The following TAFA5 variants were observed in gnomAD, a reference collection of about 807,000 sequenced individuals.
TAFA5 encodes the protein TAFA chemokine like family member 5, also known as chemokine-like protein TAFA-5.
Under a neutral mutation model 15.3 loss-of-function variants are expected in TAFA5, and 6 were observed. The ratio of observed to expected loss-of-function variants is 0.39; its 90% CI spans 0.21 to 0.77. The LOEUF (loss-of-function observed/expected upper bound fraction) is 0.77, where lower values mean the gene tolerates loss of function less well. Among genes scored for constraint, TAFA5 ranks in the 30% least tolerant of loss-of-function variants. TAFA5 has a pLI of 0.41. For missense variants in TAFA5, 161 were observed against 193.1 expected, an observed-to-expected ratio of 0.83 and a Z score of 0.98; for synonymous variants, 103 against 80.7, an observed-to-expected ratio of 1.28 and a Z score of -1.48.
intron 2 of TAFA5, among the ~76,000 whole-genome samples, chr22:48,659,249 C>G (rs1927351459): frequency 6.6e-6 from 1 of 152,220 alleles, no homozygotes; most frequent in East Asian, 1.9e-4. Flanking sequence ...GGGCTTTGAG[C>G]AAGTGGAGAA....
At chr22:48,548,641 G>C (rs1359077307) in intron 1 of TAFA5, among the ~76,000 whole-genome samples, 1 of 152,236 alleles carries the variant, frequency 6.6e-6, no homozygotes, top group Non-Finnish European at 1.5e-5. Context: ...GTTCAGGGCT[G>C]CATTTCACAG....
In TAFA5 at chr22:48,540,529, C is replaced by T. The variant is rs552138090; in HGVS notation, c.112+50825C>T. On this transcript the variant is annotated intron_variant, in intron 1 of 3. Transcript: ENST00000402357. ...TTGACTTCTAGGGTGTCCTCCGCCC[C>T]GGCAAAAAGGACCCAGTCCCACCTC... Among the ~76,000 whole-genome samples, 9 of 151,888 alleles carry T rather than the reference C, an allele frequency of 5.9e-5. No individual in the cohort carries two copies. In the South Asian group the frequency reaches 6.2e-4, roughly 11 times the overall value.
chr22:48,522,808 G>A (rs1382076777), intron 1 of TAFA5, among the ~76,000 whole-genome samples: 1 of 152,236 alleles, frequency 6.6e-6, no homozygotes, highest in African/African-American at 2.4e-5. Context: ...ATGCCCCCAG[G>A]CTGGCCTGTC....
intron 2 of TAFA5, among the ~76,000 whole-genome samples, chr22:48,658,288 G>T (rs1281352136): frequency 1.3e-5 from 2 of 152,198 alleles, no homozygotes; most frequent in African/African-American, 4.8e-5. Context: ...TCCTATTATG[G>T]CCCATCTGGG....
At chr22:48,592,996 T>A (rs1200154065) in intron 1 of TAFA5, among the ~76,000 whole-genome samples, 1 of 151,860 alleles carries the variant, frequency 6.6e-6, no homozygotes, top group African/African-American at 2.4e-5. Flanking sequence ...CAGGGCCTCT[T>A]CAGAGCTAGC....
intron 2 of TAFA5, among the ~76,000 whole-genome samples, chr22:48,701,607 C>T (rs894900096): frequency 1.3e-5 from 2 of 152,248 alleles, no homozygotes; most frequent in Non-Finnish European, 2.9e-5. Context: ...ATTCAAGGGT[C>T]GCCCAACCGT....
At chr22:48,617,216 A>G (rs1353964824) in intron 1 of TAFA5, among the ~76,000 whole-genome samples, 1 of 149,308 alleles carries the variant, frequency 6.7e-6, no homozygotes, top group Non-Finnish European at 1.5e-5. Context: ...TCTCACAGGC[A>G]GTCACAGGCG....
intron 2 of TAFA5, among the ~76,000 whole-genome samples, chr22:48,678,915 G>A (rs112894357): frequency 0.018 from 2,081 of 115,712 alleles, 20 homozygotes; most frequent in African/African-American, 0.061. Context: ...CGGCTCCCCG[G>A]CTCCCCAGCT....
chr22:48,508,175 G>A (rs944954332), intron 1 of TAFA5, among the ~76,000 whole-genome samples: 2 of 152,186 alleles, frequency 1.3e-5, no homozygotes, highest in African/African-American at 2.4e-5. Context: ...GTCTGTGTGG[G>A]GGCTGCACTG....
chr22:48,501,385 G>A (rs1231069579), intron 1 of TAFA5, among the ~76,000 whole-genome samples: 1 of 152,228 alleles, frequency 6.6e-6, no homozygotes, highest in African/African-American at 2.4e-5. Flanking sequence ...CCTCGCGTCT[G>A]GGCGTTCTGT....
At chr22:48,719,843 C>G (rs1929516589) in intron 3 of TAFA5, among the ~76,000 whole-genome samples, 1 of 152,134 alleles carries the variant, frequency 6.6e-6, no homozygotes, top group African/African-American at 2.4e-5. Flanking sequence ...ACGTATATGG[C>G]CGGCGCCACA....
intron 2 of TAFA5, among the ~76,000 whole-genome samples, chr22:48,660,688 G>C (rs5771911): frequency 0.46 from 69,714 of 152,126 alleles, 16,340 homozygotes; most frequent in South Asian, 0.61. Context: ...TGCTGGGATC[G>C]CCCCACTGGG....
In TAFA5 at chr22:48,630,576, G is replaced by A. The variant is rs567737343; in HGVS notation, c.113-16021G>A. Among the ~76,000 whole-genome samples the A allele has an allele frequency of 3.9e-4, 60 of 152,314 alleles. 1 individual carries two copies. The highest frequency in any genetic ancestry group is 3.2e-3 in the Admixed American group (49 of 15,304). The stretch of plus-strand genomic sequence containing the variant: ...CGCCTTCTTACTACACAGGTTCACG[G>A]GATAATTGGTGGGGCCAGGTGGACC... On this transcript the variant is annotated intron_variant, in intron 1 of 3. Transcript: ENST00000402357.
intron 3 of TAFA5, among the ~76,000 whole-genome samples, chr22:48,730,519 T>C (rs1209445991): frequency 3.3e-5 from 5 of 152,222 alleles, no homozygotes; most frequent in Non-Finnish European, 7.3e-5. Flanking sequence ...TATTGCCGTT[T>C]TCACAAATTG....
chr22:48,737,408 C>G (rs1332549963), intron 3 of TAFA5, among the ~76,000 whole-genome samples: 1 of 152,144 alleles, frequency 6.6e-6, no homozygotes. Flanking sequence ...CGCCCCTGAG[C>G]CTGCCCTGCT....
In TAFA5 at chr22:48,739,867, G is replaced by A. The variant is rs189332419; in HGVS notation, c.391-9972G>A. ...CCGTGCACAGCTCCCTTTATTCCCC[G>A]GCGCGAGGCACGATTACTCCATGGT... On this transcript the variant is annotated intron_variant, in intron 3 of 3. Transcript: ENST00000402357. 5.9e-5 allele frequency among the ~76,000 whole-genome samples: 9 copies of A among 152,212 alleles called. No individual in the cohort carries two copies. In the Middle Eastern group the frequency reaches 0.02, roughly 345 times the overall value.
chr22:48,532,118 T>C (rs1921996245), intron 1 of TAFA5, among the ~76,000 whole-genome samples: 1 of 152,258 alleles, frequency 6.6e-6, no homozygotes, highest in Admixed American at 6.5e-5. Context: ...CCCTTGGTGC[T>C]TTCTGTTCTC....
rs527665498 is a variant in TAFA5, at chr22:48,523,470, G to A, written c.112+33766G>A. 2.0e-5 allele frequency among the ~76,000 whole-genome samples: 3 copies of A among 152,350 alleles called. No homozygotes were observed. In the South Asian group the frequency reaches 6.2e-4, roughly 32 times the overall value. ...CTGTTGGCTACTTGAGCAGGAAGGA[G>A]GCTTGGGATGGAAAACGTTGGGCCT... On this transcript the variant is annotated intron_variant, in intron 1 of 3. Transcript: ENST00000402357.
At chr22:48,619,516 C>G (rs563180172) in intron 1 of TAFA5, among the ~76,000 whole-genome samples, 1 of 151,930 alleles carries the variant, frequency 6.6e-6, no homozygotes, top group African/African-American at 2.4e-5. Context: ...CCACCACACC[C>G]AGCTAATTTT....
Sources: gnomAD v4.1 joint callset for allele counts (sites outside exome capture counted in the v4.1 genomes callset) on GRCh38, gnomAD v4.1.1 for gene constraint, MANE v1.5 for transcripts, NCBI Gene and HGNC (gene_info 2026-07-23, HGNC 2026-07-21) for gene names.